Variants in STK32C observed in about 807,000 individuals in gnomAD.
STK32C encodes the protein serine/threonine kinase 32C.
A neutral mutation model predicts 56.5 loss-of-function variants in STK32C; 31 were observed. The observed-to-expected ratio is 0.55, with a 90% CI of 0.41 to 0.74. The LOEUF is 0.74. Ranked by LOEUF, STK32C falls within the 30% of genes least tolerant of loss-of-function variation. The pLI, the probability that STK32C is intolerant of heterozygous loss-of-function variation, is 0.00. For missense variants in STK32C, 544 were observed against 676.9 expected (o/e 0.80, Z 2.18); for synonymous variants, 309 against 289.4 (o/e 1.07, Z -0.69).
At position 132,313,135 on chromosome 10, in the gene STK32C, C is replaced by T. The variant is rs144292788; in HGVS notation, c.301+18301G>A. On this transcript the variant is annotated intron_variant, in intron 1 of 3. Coordinates refer to the STK32C transcript ENST00000368620. ...GTCTCCTGATACCCCCTCCCTTTTA[C>T]GGTTTAGACACAACAACCAACCAGC... Among the ~76,000 whole-genome samples the T allele has an allele frequency of 4.7e-3, 710 of 152,298 alleles. 5 individuals carry two copies. The highest frequency in any genetic ancestry group is 0.012 in the African/African-American group (487 of 41,566).
intron 10 of STK32C, among the ~76,000 whole-genome samples, chr10:132,214,282 G>A (rs967830936): frequency 6.0e-5 from 9 of 150,976 alleles, no homozygotes; most frequent in African/African-American, 1.7e-4. Context: ...GGGGGGTGGC[G>A]AGGAATTCTA....
chr10:132,327,830 C>A (rs753597941), intron 1 of STK32C, among the ~76,000 whole-genome samples: 1 of 152,006 alleles, frequency 6.6e-6, no homozygotes, highest in Non-Finnish European at 1.5e-5. Context: ...ACTTCATAGA[C>A]CAAAAATGAA....
rs2066109104 is a variant in STK32C, at chr10:132,307,328, T to C, written c.262+244A>G. 1 of 355,506 alleles carries C rather than the reference T, an allele frequency of 2.8e-6. No individual in the cohort carries two copies. Among genetic ancestry groups the C allele is most frequent in the South Asian group, 5.6e-5 (1 of 17,916 alleles). The allele number at this position is 355,506 out of a possible 1,614,324, so 22.0% of individuals were successfully genotyped here. A position where few individuals can be genotyped will look rare whatever the true frequency, so the allele number is the denominator to read the frequency against. ...GAGACGCCACAGCCGCGGGGGACCC[T>C]CGCCCCGAGGGCCCGGGCCCAGCCT... On this transcript the variant is annotated intron_variant, in intron 1 of 11. Transcript: ENST00000298630. The surrounding 1 kb of genome is among the most constrained non-coding windows in gnomAD (Gnocchi z 4.4).
chr10:132,328,808 A>G (rs768224193), intron 1 of STK32C, among the ~76,000 whole-genome samples: 18 of 152,262 alleles, frequency 1.2e-4, no homozygotes, highest in Non-Finnish European at 1.9e-4. Context: ...CGATATCTGG[A>G]GATGGAGACG....
intron 1 of STK32C, among the ~76,000 whole-genome samples, chr10:132,296,412 A>C (rs569321057): frequency 1.8e-4 from 28 of 152,130 alleles, no homozygotes; most frequent in Admixed American, 1.6e-3. Context: ...CGACAAATGT[A>C]CCCGGTTAAT....
chr10:132,270,946 G>T (rs1379646850), intron 1 of STK32C, among the ~76,000 whole-genome samples: 1 of 152,126 alleles, frequency 6.6e-6, no homozygotes, highest in Admixed American at 6.5e-5. Context: ...ATAAGGGTAG[G>T]GCAATGGGGT....
intron 2 of STK32C, among the ~76,000 whole-genome samples, chr10:132,243,064 C>CCCA (rs1170763277): frequency 4.6e-5 from 7 of 152,204 alleles, no homozygotes; most frequent in Admixed American, 4.6e-4. Flanking sequence ...GTCTGCACCC[C>CCCA]CCAGCCAAGC....
intron 1 of STK32C, among the ~76,000 whole-genome samples, chr10:132,315,517 T>C (rs2066294749): frequency 6.6e-6 from 1 of 152,126 alleles, no homozygotes; most frequent in Non-Finnish European, 1.5e-5. Context: ...AAAGAATACC[T>C]AACAATCCCA....
intron 2 of STK32C, among the ~76,000 whole-genome samples, chr10:132,237,180 G>C (rs11816203): frequency 5.7e-5 from 3 of 52,608 alleles, no homozygotes. Flanking sequence ...CTCCCTGACT[G>C]TGCTCCCTGG....
chr10:132,243,347 G>A (rs1351741613), intron 2 of STK32C, among the ~76,000 whole-genome samples: 2 of 152,202 alleles, frequency 1.3e-5, no homozygotes, highest in Non-Finnish European at 2.9e-5. Context: ...CGCTGAGGAG[G>A]CAGCAGGCTT....
intron 1 of STK32C, among the ~76,000 whole-genome samples, chr10:132,253,313 AAGCTGGAGGGAGCAGAGGG>A (rs1236568886): frequency 1.3e-5 from 2 of 152,060 alleles, no homozygotes; most frequent in African/African-American, 4.8e-5. Context: ...GGGCAAAAGG[AAGCTGGAGGGAGCAGAGGG>A]AGCTGGAGGG....
In STK32C at chr10:132,225,293, G is replaced by A. The variant is rs1435070419; in HGVS notation, c.816C>T (p.Tyr272=). ...CCGACCACCAGTCCACCTCGAAGGA[G>A]TAGCCGGTCCCGCCGTTGACAAAAG... ...FHSFVNGGTG[Y]SFEVDWWSVG... The change falls in exon 7 of 12, where the codon TAC becomes TAT. Residue 272 remains tyrosine (Y), a synonymous_variant. Transcript: ENST00000298630. 6.2e-7 allele frequency: 1 copy of A among 1,606,668 alleles called. No individual in the cohort carries two copies. The highest frequency in any genetic ancestry group is 1.3e-5 in the African/African-American group (1 of 74,642).
chr10:132,274,083 G>T (rs1470650976), intron 1 of STK32C, among the ~76,000 whole-genome samples: 2 of 152,234 alleles, frequency 1.3e-5, no homozygotes, highest in African/African-American at 4.8e-5. Context: ...AGGTGCAGGG[G>T]TTGGGGCTGG....
chr10:132,221,218 T>G (rs2062628657), intron 10 of STK32C, among the ~76,000 whole-genome samples: 1 of 136,806 alleles, frequency 7.3e-6, no homozygotes, highest in African/African-American at 2.8e-5. Flanking sequence ...ACACACCTGA[T>G]GCTGACGCAC....
upstream of STK32C, among the ~76,000 whole-genome samples, chr10:132,308,702 G>A (rs1443733976): frequency 6.6e-6 from 1 of 152,202 alleles, no homozygotes; most frequent in Non-Finnish European, 1.5e-5. Context: ...CGTCCGGCCT[G>A]AGACCGCGTG....
intron 1 of STK32C, among the ~76,000 whole-genome samples, chr10:132,269,643 C>T (rs1414757593): frequency 6.6e-6 from 1 of 152,228 alleles, no homozygotes; most frequent in East Asian, 1.9e-4. Context: ...CAAACCTGAG[C>T]TTATGAGACA....
intron 1 of STK32C, among the ~76,000 whole-genome samples, chr10:132,277,280 G>A (rs1229515088): frequency 1.3e-5 from 2 of 152,170 alleles, no homozygotes; most frequent in African/African-American, 2.4e-5. Flanking sequence ...GAGCCAGGGA[G>A]GACACCAGCA....
At position 132,227,979 on chromosome 10, in the gene STK32C, G is replaced by C; in HGVS notation, c.468C>G (p.Leu156=). Residue 156 remains leucine, a splice_region_variant and synonymous_variant, in exon 3 of 12, where the codon CTC becomes CTG. Coordinates refer to ENST00000298630, the MANE Select transcript of STK32C (RefSeq NM_173575.4). The part of the protein sequence containing the change: ...QEIEHVFLVN[L]WYSFQDEEDM... ...CAGCGAGGCCATGGCAGGCTCACCA[G>C]AGGTTCACCAGGAAGACGTGCTCGA... 5 of 1,613,094 alleles carry C rather than the reference G, an allele frequency of 3.1e-6. No individual in the cohort carries two copies.
chr10:132,305,366 T>G (rs543771436), intron 1 of STK32C, among the ~76,000 whole-genome samples: 16 of 152,360 alleles, frequency 1.1e-4, no homozygotes, highest in African/African-American at 3.8e-4. Context: ...TACCTGGCAC[T>G]TTGTTAAACA....
Sources: allele counts gnomAD v4.1 joint callset (sites outside exome capture counted in the v4.1 genomes callset), GRCh38; gene constraint gnomAD v4.1.1; non-coding constraint Gnocchi (gnomAD v3.1); transcripts MANE v1.5; gene names NCBI Gene and HGNC (gene_info 2026-07-23, HGNC 2026-07-21).